The following THRB variants were observed in gnomAD, a reference collection of about 807,000 sequenced individuals.
THRB encodes the protein nuclear receptor subfamily 1 group A member 2.
In THRB, 12 loss-of-function variants were observed where a neutral mutation model predicts 47.8. The ratio of observed to expected loss-of-function variants is 0.25; its 90% CI spans 0.16 to 0.41. The LOEUF (loss-of-function observed/expected upper bound fraction) is 0.41, where lower values mean the gene tolerates loss of function less well. Ranked by LOEUF, THRB falls within the 10% of genes least tolerant of loss-of-function variation. The pLI is 1.00. For synonymous variants in THRB, 218 were observed against 212.2 expected (o/e 1.03, Z -0.24); for missense variants, 348 against 589.2 (o/e 0.59, Z 4.24).
At chr3:24,477,800 C>T (rs969903078) in intron 1 of THRB, among the ~76,000 whole-genome samples, 2 of 151,460 alleles carry the variant, frequency 1.3e-5, no homozygotes, top group African/African-American at 4.9e-5. Context: ...TGATCTTTAT[C>T]CAATTTCCTT....
chr3:24,207,028 A>G (rs2149799729), intron 4 of THRB, among the ~76,000 whole-genome samples: 1 of 152,328 alleles, frequency 6.6e-6, no homozygotes, highest in South Asian at 2.1e-4. Flanking sequence ...AAAAAAGTCC[A>G]GGACCAGACG....
intron 1 of THRB, among the ~76,000 whole-genome samples, chr3:24,442,120 C>A (rs2071589942): frequency 6.6e-6 from 1 of 152,170 alleles, no homozygotes; most frequent in Non-Finnish European, 1.5e-5. Context: ...CCAAACATTA[C>A]AAGTAAAAAG....
At chr3:24,348,437 A>G (rs1025593792) in intron 1 of THRB, 1 of 151,582 alleles carries the variant, frequency 6.6e-6, no homozygotes, top group Non-Finnish European at 1.5e-5. Flanking sequence ...GTGACATTCA[A>G]ACACACCAAT....
At chr3:24,418,775 T>C (rs1425526836) in intron 1 of THRB, among the ~76,000 whole-genome samples, 1 of 151,936 alleles carries the variant, frequency 6.6e-6, no homozygotes, top group Non-Finnish European at 1.5e-5. Context: ...AATATAAATG[T>C]TTTTCATGTA....
At chr3:24,285,012 A>C (rs1055015016) in intron 3 of THRB, among the ~76,000 whole-genome samples, 2 of 152,088 alleles carry the variant, frequency 1.3e-5, no homozygotes, top group African/African-American at 4.8e-5. Flanking sequence ...ACCATTGTGG[A>C]AGTCAGTGTG....
chr3:24,339,336 T>G (rs1372645680), intron 1 of THRB, among the ~76,000 whole-genome samples: 1 of 152,144 alleles, frequency 6.6e-6, no homozygotes, highest in African/African-American at 2.4e-5. Flanking sequence ...TAATTTCACA[T>G]AAGGTAATCC....
intron 1 of THRB, among the ~76,000 whole-genome samples, chr3:24,474,097 C>T (rs895528059): frequency 4.6e-5 from 7 of 152,206 alleles, no homozygotes; most frequent in African/African-American, 1.4e-4. Context: ...TATCTCAGAA[C>T]TTAAAGTATA....
chr3:24,135,847 A>AT (rs371175625), intron 8 of THRB, among the ~76,000 whole-genome samples: 31 of 130,918 alleles, frequency 2.4e-4, no homozygotes, highest in Middle Eastern at 3.7e-3. Flanking sequence ...ATATATATAT[A>AT]ATACATAAAT....
chr3:24,391,009 A>C (rs2066527345), intron 1 of THRB, among the ~76,000 whole-genome samples: 1 of 151,974 alleles, frequency 6.6e-6, no homozygotes, highest in South Asian at 2.1e-4. Flanking sequence ...TTCAGGGTCC[A>C]TTTCTCCCAG....
chr3:24,277,676 C>T (rs2054075281), intron 3 of THRB, among the ~76,000 whole-genome samples: 1 of 152,114 alleles, frequency 6.6e-6, no homozygotes, highest in Non-Finnish European at 1.5e-5. Context: ...ATGTCATTTA[C>T]CAACAAAGGT....
intron 4 of THRB, among the ~76,000 whole-genome samples, chr3:24,208,879 A>G (rs1489739099): frequency 6.6e-6 from 1 of 152,250 alleles, no homozygotes; most frequent in Non-Finnish European, 1.5e-5. Context: ...TGCACAGCAA[A>G]GAAACTACCA....
At chr3:24,316,828 A>G (rs2058150325) in intron 2 of THRB, among the ~76,000 whole-genome samples, 1 of 152,024 alleles carries the variant, frequency 6.6e-6, no homozygotes, top group Admixed American at 6.6e-5. Context: ...ACCCCCCAGA[A>G]CACTTGACAC....
chr3:24,429,906 G>T (rs2070190388), intron 1 of THRB, among the ~76,000 whole-genome samples: 1 of 152,010 alleles, frequency 6.6e-6, no homozygotes, highest in African/African-American at 2.4e-5. Flanking sequence ...GGGGAGACAG[G>T]ATGACAGCAG....
At chr3:24,208,971 A>G (rs575347634) in intron 4 of THRB, among the ~76,000 whole-genome samples, 10 of 152,372 alleles carry the variant, frequency 6.6e-5, no homozygotes, top group African/African-American at 2.2e-4. Flanking sequence ...TCCAGAATCT[A>G]CAAAGAACTC....
intron 4 of THRB, among the ~76,000 whole-genome samples, chr3:24,191,180 C>T (rs2043288292): frequency 1.3e-5 from 2 of 151,330 alleles, no homozygotes; most frequent in Non-Finnish European, 2.9e-5. Flanking sequence ...ACTAACCTTC[C>T]CTGGTGGCAA....
chr3:24,125,061 C>G (rs1575245571), intron 10 of THRB, among the ~76,000 whole-genome samples: 2 of 152,216 alleles, frequency 1.3e-5, no homozygotes, highest in African/African-American at 4.8e-5. Flanking sequence ...TTTTTGTCAT[C>G]TCCACCTACT....
At chr3:24,195,183 C>T (rs1177102280) in intron 4 of THRB, among the ~76,000 whole-genome samples, 1 of 152,092 alleles carries the variant, frequency 6.6e-6, no homozygotes, top group Admixed American at 6.6e-5. Context: ...TAGAATCGTG[C>T]AGGACAGGAG....
chr3:24,160,141 G>A (rs2038571613), intron 5 of THRB, among the ~76,000 whole-genome samples: 1 of 152,148 alleles, frequency 6.6e-6, no homozygotes, highest in African/African-American at 2.4e-5. Context: ...CTGGCAGTGG[G>A]TGACAGCTGG....
rs1172978390 is a variant in THRB at position 24,127,488 on chromosome 3, G to C, written c.1144+11C>G. 6.2e-7 allele frequency: 1 copy of C among 1,613,958 alleles called. No individual in the cohort carries two copies. The highest frequency in any genetic ancestry group is 8.5e-7 in the Non-Finnish European group (1 of 1,179,970). On this transcript the variant is annotated intron_variant, in intron 10 of 10. Transcript: ENST00000646209. ...CTTTGGATGCCCACTAACGAGTCTA[G>C]GCGTACTCACCTGAAGACATCAGCA... is the stretch of plus-strand genomic sequence containing the variant.
Sources: gnomAD v4.1 joint callset for allele counts (sites outside exome capture counted in the v4.1 genomes callset) on GRCh38, gnomAD v4.1.1 for gene constraint, MANE v1.5 for transcripts, NCBI Gene and HGNC (gene_info 2026-07-23, HGNC 2026-07-21) for gene names.